Variants in ROBO2 observed in about 807,000 individuals in gnomAD.
ROBO2 encodes the protein roundabout homolog 2.
A neutral mutation model predicts 160.8 loss-of-function variants in ROBO2; 53 were observed. The observed-to-expected ratio is 0.33, with a 90% CI of 0.26 to 0.41. The LOEUF is 0.41. ROBO2 is among the 10% of genes least tolerant of loss of function. The pLI is 1.00. For synonymous variants in ROBO2, 664 were observed against 611.7 expected, an observed-to-expected ratio of 1.09 and a Z score of -1.26; for missense variants, 1,577 against 1,722.4, an observed-to-expected ratio of 0.92 and a Z score of 1.49.
At chr3:77,310,853 GAA>G (rs66511015) in intron 2 of ROBO2, among the ~76,000 whole-genome samples, 36 of 146,254 alleles carry the variant, frequency 2.5e-4, no homozygotes, top group Non-Finnish European at 3.6e-4. Flanking sequence ...AGCTTTAAGT[GAA>G]AAAAAAAAAA....
At chr3:77,214,164 A>C (rs2084587792) in intron 2 of ROBO2, among the ~76,000 whole-genome samples, 1 of 152,080 alleles carries the variant, frequency 6.6e-6, no homozygotes, top group African/African-American at 2.4e-5. Context: ...TATCTGTCTA[A>C]TGTTGACAGT....
chr3:76,034,774 G>T (rs1221423755), intron 2 of ROBO2, among the ~76,000 whole-genome samples: 4 of 152,020 alleles, frequency 2.6e-5, no homozygotes, highest in African/African-American at 9.7e-5. Flanking sequence ...TCCTTCGTGT[G>T]ACATTTATGA....
Position 76,716,120 on chromosome 3 carries a change from T to G in ROBO2, c.110-381894T>G, listed in dbSNP as rs183009049. 2.0e-5 allele frequency among the ~76,000 whole-genome samples: 3 copies of G among 152,336 alleles called. No homozygotes were observed. The East Asian group carries it at 5.8e-4, about 29-fold the overall frequency. On this transcript the variant is annotated intron_variant, in intron 2 of 26. Transcript: ENST00000487694. ...ATTTTTTGGTATTACTTTATTCAGTTTTAACATAGTTTTGCATATGATAGA... is the reference window on the plus strand; with the variant it reads ...ATTTTTTGGTATTACTTTATTCAGTGTTAACATAGTTTTGCATATGATAGA...
At chr3:76,884,858 C>A (rs2073720140) in intron 2 of ROBO2, among the ~76,000 whole-genome samples, 1 of 152,088 alleles carries the variant, frequency 6.6e-6, no homozygotes, top group African/African-American at 2.4e-5. Context: ...GGATGCCTCA[C>A]TTTCACATCT....
intron 2 of ROBO2, among the ~76,000 whole-genome samples, chr3:76,129,959 A>G (rs2071161914): frequency 6.6e-6 from 1 of 152,014 alleles, no homozygotes; most frequent in East Asian, 1.9e-4. Context: ...TAAAAATAGC[A>G]TAAACTAAAA....
intron 2 of ROBO2, among the ~76,000 whole-genome samples, chr3:76,812,911 T>TA (rs1022056734): frequency 3.3e-5 from 4 of 121,634 alleles, no homozygotes; most frequent in African/African-American, 1.3e-4. Context: ...AAGTATAAAT[T>TA]TTTTTTTTTT....
chr3:77,538,170 C>CT (rs59409802), intron 6 of ROBO2, among the ~76,000 whole-genome samples: 6,596 of 101,992 alleles, frequency 0.065, 1,121 homozygotes, highest in African/African-American at 0.073. Context: ...TGATCATTTA[C>CT]TTTTTTTTTT....
intron 2 of ROBO2, among the ~76,000 whole-genome samples, chr3:76,862,421 A>G (rs1388651896): frequency 6.6e-6 from 1 of 152,158 alleles, no homozygotes; most frequent in Admixed American, 6.6e-5. Flanking sequence ...GTTTTATGCC[A>G]CACAGGAATT....
At chr3:77,062,274 G>A (rs918788992) in intron 1 of ROBO2, among the ~76,000 whole-genome samples, 2 of 152,138 alleles carry the variant, frequency 1.3e-5, no homozygotes, top group Non-Finnish European at 2.9e-5. Context: ...CATTATTTCT[G>A]TCTTCTGGGA....
rs1366495540 is a variant in ROBO2 at position 76,611,526 on chromosome 3, A to G, written c.110-486488A>G. ...GATGTATGTGTCTAGGAACTTAACAATTTCTTCTAGGTTTTCCGATTTATT... is the reference window on the plus strand; with the variant it reads ...GATGTATGTGTCTAGGAACTTAACAGTTTCTTCTAGGTTTTCCGATTTATT... On this transcript the variant is annotated intron_variant, in intron 2 of 26. Coordinates refer to the ROBO2 transcript ENST00000487694. Among the ~76,000 whole-genome samples the G allele has an allele frequency of 4.0e-5, 6 of 151,888 alleles. No individual in the cohort carries two copies. In the East Asian group the frequency reaches 7.8e-4, roughly 20 times the overall value.
At position 76,098,415 on chromosome 3, in the gene ROBO2, G is replaced by C. The variant is rs767488449; in HGVS notation, c.109+160813G>C. Reference sequence around the variant, plus strand: ...ATTTTATTTTTGATATCTACAACATGCAATTTTTGTGTTTGGATGAGTTTT... The same window carrying C: ...ATTTTATTTTTGATATCTACAACATCCAATTTTTGTGTTTGGATGAGTTTT... On this transcript the variant is annotated intron_variant, in intron 2 of 26. Transcript: ENST00000487694. Among the ~76,000 whole-genome samples the C allele has an allele frequency of 9.8e-4, 149 of 151,992 alleles. 4 individuals carry two copies. The highest frequency in any genetic ancestry group is 2.8e-4 in the Non-Finnish European group (19 of 67,984).
chr3:75,991,021 A>T (rs2065551766), intron 2 of ROBO2, among the ~76,000 whole-genome samples: 2 of 152,078 alleles, frequency 1.3e-5, no homozygotes, highest in African/African-American at 4.8e-5. Context: ...AAACATTGTC[A>T]CTCCTGGTTC....
intron 2 of ROBO2, among the ~76,000 whole-genome samples, chr3:77,265,441 A>G (rs2059062612): frequency 6.6e-6 from 1 of 152,152 alleles, no homozygotes; most frequent in African/African-American, 2.4e-5. Context: ...TATAATTTTA[A>G]TAGGTGCATC....
intron 2 of ROBO2, among the ~76,000 whole-genome samples, chr3:77,235,288 G>T (rs1359965080): frequency 5.3e-5 from 8 of 151,888 alleles, no homozygotes; most frequent in Admixed American, 2.0e-4. Context: ...ATGAAGAATT[G>T]CTGCCTGACC....
At chr3:76,652,304 T>A (rs2091289876) in intron 2 of ROBO2, among the ~76,000 whole-genome samples, 1 of 152,242 alleles carries the variant, frequency 6.6e-6, no homozygotes, top group South Asian at 2.1e-4. Flanking sequence ...GGCATCTTGC[T>A]AAGTACTTTA....
At chr3:77,313,869 C>T (rs1177245463) in intron 2 of ROBO2, among the ~76,000 whole-genome samples, 1 of 152,142 alleles carries the variant, frequency 6.6e-6, no homozygotes, top group Non-Finnish European at 1.5e-5. Flanking sequence ...CAGGTGTGAG[C>T]CACCGCCCCT....
intron 2 of ROBO2, among the ~76,000 whole-genome samples, chr3:76,159,780 C>G (rs1165350682): frequency 3.3e-5 from 5 of 152,084 alleles, no homozygotes; most frequent in African/African-American, 9.7e-5. Flanking sequence ...TAGTCCATCC[C>G]TAAAGAAATA....
At chr3:76,219,589 C>G (rs1383565555) in intron 2 of ROBO2, among the ~76,000 whole-genome samples, 3 of 152,208 alleles carry the variant, frequency 2.0e-5, no homozygotes, top group African/African-American at 7.2e-5. Flanking sequence ...CTCATCTTCA[C>G]TGGCCATCAG....
At chr3:75,946,043 T>C (rs1175663731) in intron 2 of ROBO2, among the ~76,000 whole-genome samples, 2 of 152,132 alleles carry the variant, frequency 1.3e-5, no homozygotes, top group East Asian at 1.9e-4. Flanking sequence ...TTTTGTTTCC[T>C]GGCGGAATTG....
Sources: allele counts gnomAD v4.1 joint callset (sites outside exome capture counted in the v4.1 genomes callset), GRCh38; gene constraint gnomAD v4.1.1; transcripts MANE v1.5; gene names NCBI Gene and HGNC (gene_info 2026-07-23, HGNC 2026-07-21).